Variants in MYO1D observed in about 807,000 individuals in gnomAD.
MYO1D encodes the protein unconventional myosin-Id.
A neutral mutation model predicts 122.0 loss-of-function variants in MYO1D; 83 were observed. The observed-to-expected ratio is 0.68, with a 90% CI of 0.57 to 0.82. The LOEUF (loss-of-function observed/expected upper bound fraction) is 0.82. MYO1D is among the 40% of genes least tolerant of loss of function. The pLI, the probability that MYO1D is intolerant of heterozygous loss-of-function variation, is 0.00. For synonymous variants in MYO1D, 464 were observed against 446.9 expected, an observed-to-expected ratio of 1.04 and a Z score of -0.48; for missense variants, 1,157 against 1,269.5, an observed-to-expected ratio of 0.91 and a Z score of 1.35.
rs1288116043 is a variant in MYO1D at position 32,571,544 on chromosome 17, G to A, written c.2864+33543C>T. On this transcript the variant is annotated intron_variant, in intron 21 of 21. Transcript: ENST00000318217. ...GTTCTCCAGAAGGTAGCAGAGGACC[G>A]AGAATTGGGTTTAAATTAAAAGGGT... Among the ~76,000 whole-genome samples the A allele has an allele frequency of 7.9e-5, 12 of 152,286 alleles. No homozygotes were observed. The East Asian group carries it at 1.7e-3, about 22-fold the overall frequency.
chr17:32,708,905 C>A (rs1166573310), intron 16 of MYO1D, among the ~76,000 whole-genome samples: 1 of 152,164 alleles, frequency 6.6e-6, no homozygotes, highest in Non-Finnish European at 1.5e-5. Context: ...GAGGTAGGGA[C>A]TGGTAATGGC....
At chr17:32,622,634 G>T (rs898031432) in intron 20 of MYO1D, among the ~76,000 whole-genome samples, 3 of 152,152 alleles carry the variant, frequency 2.0e-5, no homozygotes, top group Non-Finnish European at 4.4e-5. Context: ...TTATCTGGGA[G>T]AACACTCCAG....
chr17:32,660,487 T>C (rs191815655), intron 16 of MYO1D, among the ~76,000 whole-genome samples: 1 of 152,310 alleles, frequency 6.6e-6, no homozygotes, highest in East Asian at 1.9e-4. Flanking sequence ...TTTAGGTTTG[T>C]CCTCATGCGG....
At chr17:32,758,384 A>G (rs1364100793) in intron 10 of MYO1D, among the ~76,000 whole-genome samples, 3 of 152,152 alleles carry the variant, frequency 2.0e-5, no homozygotes, top group African/African-American at 7.2e-5. Flanking sequence ...TTAAGGAAAT[A>G]TGAAACATGT....
chr17:32,854,910 C>A (rs2091015667), intron 1 of MYO1D, among the ~76,000 whole-genome samples: 1 of 152,130 alleles, frequency 6.6e-6, no homozygotes, highest in Non-Finnish European at 1.5e-5. Context: ...TATGAAGATG[C>A]CAACATATGA....
intron 21 of MYO1D, chr17:32,602,808 G>A (rs908439777): frequency 3.3e-5 from 5 of 152,012 alleles, no homozygotes; most frequent in Non-Finnish European, 5.9e-5. Context: ...TTAACTCAGG[G>A]ACAAATAAGA....
intron 16 of MYO1D, among the ~76,000 whole-genome samples, chr17:32,672,578 T>C (rs1404604787): frequency 6.6e-6 from 1 of 152,084 alleles, no homozygotes; most frequent in Non-Finnish European, 1.5e-5. Flanking sequence ...CTCCAACTCC[T>C]GGGTTCAAGC....
intron 1 of MYO1D, among the ~76,000 whole-genome samples, chr17:32,833,783 C>T (rs377372547): frequency 6.6e-6 from 1 of 152,126 alleles, no homozygotes; most frequent in African/African-American, 2.4e-5. Flanking sequence ...ATCTGCTGTT[C>T]CCTCTGCCTG....
chr17:32,662,332 C>T (rs1450630729), intron 16 of MYO1D, among the ~76,000 whole-genome samples: 2 of 152,190 alleles, frequency 1.3e-5, no homozygotes, highest in East Asian at 3.9e-4. Context: ...TAGTTGAGAA[C>T]AAGCTCTGGA....
rs571394893 is a variant in MYO1D, at chr17:32,722,741, T to C, written c.1747-1552A>G. Among the ~76,000 whole-genome samples, 3 of 152,296 alleles carry C rather than the reference T, an allele frequency of 2.0e-5. No individual in the cohort carries two copies. In the South Asian group the frequency reaches 6.2e-4, roughly 32 times the overall value. ...GACATCTGGGATGACTATGGTATAGTAATAGTAAGAATAAAAAATATTATC... is the reference window on the plus strand; with the variant it reads ...GACATCTGGGATGACTATGGTATAGCAATAGTAAGAATAAAAAATATTATC... On this transcript the variant is annotated intron_variant, in intron 14 of 21. Coordinates refer to ENST00000318217, the MANE Select transcript of MYO1D (RefSeq NM_015194.3).
intron 1 of MYO1D, among the ~76,000 whole-genome samples, chr17:32,807,976 T>C (rs957995434): frequency 6.6e-6 from 1 of 152,216 alleles, no homozygotes; most frequent in African/African-American, 2.4e-5. Context: ...TACTTTTAGG[T>C]TGCTCCTGCT....
chr17:32,709,974 A>C (rs1302107205), intron 16 of MYO1D, among the ~76,000 whole-genome samples: 6 of 152,114 alleles, frequency 3.9e-5, no homozygotes, highest in Non-Finnish European at 7.4e-5. Context: ...CCTATATTAC[A>C]CTCTTAATAA....
chr17:32,559,365 C>T (rs1466955061), intron 21 of MYO1D, among the ~76,000 whole-genome samples: 1 of 152,150 alleles, frequency 6.6e-6, no homozygotes, highest in Non-Finnish European at 1.5e-5. Context: ...GACCTGTAAC[C>T]TAACTGGATG....
intron 1 of MYO1D, among the ~76,000 whole-genome samples, chr17:32,830,028 G>A (rs1053944736): frequency 6.6e-6 from 1 of 152,178 alleles, no homozygotes; most frequent in Non-Finnish European, 1.5e-5. Flanking sequence ...AAAGGCATGA[G>A]ACAGTCTTCT....
chr17:32,517,486 T>G (rs904901341), intron 21 of MYO1D, among the ~76,000 whole-genome samples: 1 of 152,176 alleles, frequency 6.6e-6, no homozygotes, highest in African/African-American at 2.4e-5. Flanking sequence ...TTCTCAACCT[T>G]GATTGCACGT....
chr17:32,764,747 C>T, intron 8 of MYO1D, 131 bp downstream of exon 8: 1 of 971,934 alleles, frequency 1.0e-6, no homozygotes, highest in Admixed American at 2.3e-5. Context: ...CTTGTATGGC[C>T]AGAAAGTATC....
rs1034607491 is a variant in MYO1D at position 32,519,567 on chromosome 17, C to T, written c.2865-24652G>A. ...CCCGCGGCTGAAACGAAGCCGCTGC[C>T]CGAGCCCGAGCGCCAGCGCACACGC... On this transcript the variant is annotated intron_variant, in intron 21 of 21. Coordinates refer to ENST00000318217, the MANE Select transcript of MYO1D (RefSeq NM_015194.3). Among the ~76,000 whole-genome samples the T allele has an allele frequency of 9.9e-5, 15 of 151,834 alleles. No homozygotes were observed. The East Asian group carries it at 1.5e-3, about 16-fold the overall frequency.
chr17:32,711,805 T>A (rs1290239968), intron 16 of MYO1D, among the ~76,000 whole-genome samples, 183 bp downstream of exon 16: 1 of 152,170 alleles, frequency 6.6e-6, no homozygotes, highest in Non-Finnish European at 1.5e-5. Flanking sequence ...GCAAAAATAA[T>A]TTTGAACTGG....
chr17:32,588,218 GA>G (rs2087408349), intron 21 of MYO1D, among the ~76,000 whole-genome samples: 1 of 152,044 alleles, frequency 6.6e-6, no homozygotes, highest in Non-Finnish European at 1.5e-5. Context: ...TACCTTCTAG[GA>G]AAAATGTGGA....
Sources: allele counts gnomAD v4.1 joint callset (sites outside exome capture counted in the v4.1 genomes callset), GRCh38; gene constraint gnomAD v4.1.1; transcripts MANE v1.5; gene names NCBI Gene and HGNC (gene_info 2026-07-23, HGNC 2026-07-21).